ZNG1E: variants seen among roughly 807,000 people sequenced by gnomAD.
The protein encoded by ZNG1E is zinc-regulated GTPase metalloprotein activator 1E.
At chr9:65,662,060 C>T in the ZNG1E span, among the ~76,000 whole-genome samples, 2 of 152,210 alleles carry the variant, frequency 1.3e-5, no homozygotes, top group East Asian at 1.9e-4. Flanking sequence ...TGGCAGAACC[C>T]TGCTGACAAA....
At chr9:65,657,959 C>A in the ZNG1E span, among the ~76,000 whole-genome samples, 4 of 152,268 alleles carry the variant, frequency 2.6e-5, no homozygotes, top group Non-Finnish European at 4.4e-5. Flanking sequence ...GTTAGCTGGG[C>A]ATGGCGGCTC....
At chr9:65,664,990 G>A in the ZNG1E span, among the ~76,000 whole-genome samples, 7 of 152,252 alleles carry the variant, frequency 4.6e-5, no homozygotes, top group Non-Finnish European at 1.0e-4. Flanking sequence ...AAGCAGCAAA[G>A]CATTCAAGAG....
chr9:65,669,598 C>T, the ZNG1E span, among the ~76,000 whole-genome samples: 2 of 146,872 alleles, frequency 1.4e-5, no homozygotes, highest in Non-Finnish European at 3.0e-5. Context: ...CTCAACTTGT[C>T]AGCTTGAGGG....
chr9:65,691,903 AT>A, the ZNG1E span, among the ~76,000 whole-genome samples: 1 of 144,388 alleles, frequency 6.9e-6, no homozygotes, highest in Non-Finnish European at 1.5e-5. Flanking sequence ...AGTAATAATC[AT>A]TAAGAAATTT....
chr9:65,658,904 T>C, the ZNG1E span, among the ~76,000 whole-genome samples: 1 of 151,468 alleles, frequency 6.6e-6, no homozygotes, highest in Non-Finnish European at 1.5e-5. Flanking sequence ...CATATTAGGT[T>C]AAGAATTGCC....
chr9:65,706,581 T>TC, the ZNG1E span: 1 of 107,988 alleles, frequency 9.3e-6, no homozygotes, highest in Admixed American at 1.0e-4. Context: ...ATGCCTTGAA[T>TC]GAGTGAAGAA....
chr9:65,716,439 T>A, the ZNG1E span, among the ~76,000 whole-genome samples: 5 of 151,536 alleles, frequency 3.3e-5, no homozygotes, highest in East Asian at 9.6e-4. Context: ...ATTACATGTG[T>A]AGGCCACCAC....
the ZNG1E span, among the ~76,000 whole-genome samples, chr9:65,679,935 C>T: frequency 6.6e-6 from 1 of 152,242 alleles, no homozygotes; most frequent in African/African-American, 2.4e-5. Flanking sequence ...GAAAATGCTT[C>T]TGTTATTAGT....
At chr9:65,721,354 G>A in the ZNG1E span, among the ~76,000 whole-genome samples, 1 of 142,736 alleles carries the variant, frequency 7.0e-6, no homozygotes, top group Admixed American at 6.9e-5. Context: ...AGAATCACAT[G>A]TGGAGCTTTT....
chr9:65,683,875 G>A, the ZNG1E span, among the ~76,000 whole-genome samples: 183 of 152,144 alleles, frequency 1.2e-3, no homozygotes, highest in African/African-American at 4.4e-3. Context: ...GGACTAATAT[G>A]TTGGCGTTAA....
the ZNG1E span, among the ~76,000 whole-genome samples, chr9:65,722,471 A>AATGTGTAAT: frequency 1.2e-5 from 1 of 81,832 alleles, no homozygotes; most frequent in African/African-American, 5.3e-5. Flanking sequence ...AAAGCATGCA[A>AATGTGTAAT]ATGTGTAATT....
At chr9:65,702,243 T>C in the ZNG1E span, among the ~76,000 whole-genome samples, 1 of 151,818 alleles carries the variant, frequency 6.6e-6, no homozygotes, top group Non-Finnish European at 1.5e-5. Flanking sequence ...AGCAAGAATC[T>C]TGGGTAAGTA....
At chr9:65,720,987 A>C in the ZNG1E span, among the ~76,000 whole-genome samples, 55 of 151,068 alleles carry the variant, frequency 3.6e-4, no homozygotes, top group Admixed American at 1.9e-3. Flanking sequence ...AAAAAAAAAA[A>C]AACCCAGTTC....
At chr9:65,690,959 A>G in the ZNG1E span, 131 of 1,601,258 alleles carry the variant, frequency 8.2e-5, no homozygotes, top group Non-Finnish European at 8.9e-5. Flanking sequence ...AATATTATAT[A>G]TTTTCAGGTG....
chr9:65,706,893 G>T, the ZNG1E span: 1 of 145,012 alleles, frequency 6.9e-6, no homozygotes, highest in South Asian at 2.2e-4. Flanking sequence ...CACAAAATTG[G>T]CATGTGTAAA....
At chr9:65,717,849 G>A in the ZNG1E span, among the ~76,000 whole-genome samples, 6 of 145,054 alleles carry the variant, frequency 4.1e-5, no homozygotes, top group East Asian at 1.2e-3. Context: ...TACCATGCCT[G>A]GCTAATTTTT....
chr9:65,710,014 T>C, the ZNG1E span, among the ~76,000 whole-genome samples: 1 of 147,162 alleles, frequency 6.8e-6, no homozygotes, highest in Non-Finnish European at 1.5e-5. Flanking sequence ...CTCCAGCACG[T>C]GTTGTTTCCT....
chr9:65,681,023 C>T, the ZNG1E span, among the ~76,000 whole-genome samples: 6 of 152,212 alleles, frequency 3.9e-5, no homozygotes, highest in African/African-American at 1.2e-4. Flanking sequence ...CTCCTGACCT[C>T]GTGATCCGCC....
chr9:65,691,456 A>G, the ZNG1E span, among the ~76,000 whole-genome samples: 3 of 152,072 alleles, frequency 2.0e-5, no homozygotes, highest in Non-Finnish European at 2.9e-5. Flanking sequence ...AATTCCTTGC[A>G]TTGTGGTTCT....
Sources: gnomAD v4.1 joint callset for allele counts (sites outside exome capture counted in the v4.1 genomes callset) on GRCh38, gnomAD v4.1.1 for gene constraint, MANE v1.5 for transcripts, NCBI Gene and HGNC (gene_info 2026-07-23, HGNC 2026-07-21) for gene names.